CUX1: variants seen among roughly 807,000 people sequenced by gnomAD.
CUX1 encodes cut like homeobox 1, also known as protein CASP.
Under a neutral mutation model 158.8 loss-of-function variants are expected in CUX1, and 31 were observed. That is an observed-to-expected ratio of 0.20 (90% CI 0.15 to 0.26). CUX1 has a LOEUF of 0.26. Ranked by LOEUF, CUX1 falls within the 10% of genes least tolerant of loss-of-function variation. The pLI, the probability that CUX1 is intolerant of heterozygous loss-of-function variation, is 1.00. For missense variants in CUX1, 1,589 were observed against 2,014.6 expected (o/e 0.79, Z 4.04); for synonymous variants, 879 against 862.1 (o/e 1.02, Z -0.34).
intron 2 of CUX1, among the ~76,000 whole-genome samples, chr7:102,022,960 A>G (rs921040083): frequency 7.9e-5 from 12 of 152,220 alleles, no homozygotes; most frequent in African/African-American, 2.9e-4. Context: ...CAAGCCTGTA[A>G]TCCCAGCACT....
chr7:102,143,614 T>G (rs1404991744), intron 8 of CUX1, among the ~76,000 whole-genome samples: 3 of 152,062 alleles, frequency 2.0e-5, no homozygotes, highest in African/African-American at 4.8e-5. Context: ...ATATGGTATA[T>G]TATTTTTTAA....
intron 2 of CUX1, among the ~76,000 whole-genome samples, chr7:101,999,657 C>G (rs942404211): frequency 2.0e-4 from 31 of 152,326 alleles, no homozygotes; most frequent in Middle Eastern, 3.4e-3. Flanking sequence ...GGATGACGGG[C>G]TCGTCTGCAG....
At chr7:101,965,614 G>A (rs972060272) in intron 2 of CUX1, among the ~76,000 whole-genome samples, 6 of 152,044 alleles carry the variant, frequency 3.9e-5, no homozygotes, top group Non-Finnish European at 8.8e-5. Flanking sequence ...TTGGGAGGCC[G>A]AGGTGGGCGG....
At chr7:102,219,178 C>A (rs1224173689) in intron 20 of CUX1, among the ~76,000 whole-genome samples, 1 of 151,602 alleles carries the variant, frequency 6.6e-6, no homozygotes, top group Non-Finnish European at 1.5e-5. Context: ...CCTATTCTTT[C>A]TTTAGTCCCT....
chr7:101,817,688 A>T lies in CUX1; in HGVS notation c.30+19A>T, dbSNP rs751792494. The T allele has an allele frequency of 6.4e-7, 1 of 1,550,504 alleles. No individual in the cohort carries two copies. The highest frequency in any genetic ancestry group is 1.2e-5 in the South Asian group (1 of 84,106). On this transcript the variant is annotated intron_variant, in intron 1 of 23. Coordinates refer to ENST00000292535, the MANE Select transcript of CUX1 (RefSeq NM_181552.4). The surrounding 1 kb of genome is among the most constrained non-coding windows in gnomAD (Gnocchi z 4.1). The stretch of plus-strand genomic sequence containing the variant: ...GTTGAAGGTGAGCGGCGTGTGGGCC[A>T]GAAGTCCCGAGGTTGCAGGCGCGGA...
intron 1 of CUX1, among the ~76,000 whole-genome samples, chr7:101,864,452 A>C (rs10953353): frequency 3.3e-5 from 5 of 151,864 alleles, no homozygotes; most frequent in Non-Finnish European, 5.9e-5. Context: ...GTGAGCCACC[A>C]TGCCTAGCCT....
intron 6 of CUX1, among the ~76,000 whole-genome samples, chr7:102,105,502 ATC>A (rs1419466236): frequency 3.3e-4 from 31 of 93,480 alleles, no homozygotes; most frequent in South Asian, 3.5e-4. Context: ...AACCATATAG[ATC>A]TTTTTTTTTT....
upstream of CUX1, among the ~76,000 whole-genome samples, chr7:101,816,493 CGAGCGGG>C (rs909657567): frequency 4.9e-4 from 68 of 139,788 alleles, no homozygotes; most frequent in African/African-American, 1.3e-3. Flanking sequence ...GGTGCGCGCG[CGAGCGGG>C]GAGCGGGGAG....
In CUX1 at chr7:102,128,118, G is replaced by C. The variant is rs146723917; in HGVS notation, c.674+12845G>C. 2.0e-5 allele frequency among the ~76,000 whole-genome samples: 3 copies of C among 152,188 alleles called. No individual in the cohort carries two copies. In the East Asian group the frequency reaches 5.8e-4, roughly 29 times the overall value. On this transcript the variant is annotated intron_variant, in intron 8 of 23. Coordinates refer to ENST00000292535, the MANE Select transcript of CUX1 (RefSeq NM_181552.4). ...CTCCAGAAGGGCTGGGATTACAGGC[G>C]TGAGCCACCACGCCCAGCCGGCTGT... is the stretch of plus-strand genomic sequence containing the variant.
chr7:102,280,537 G>A (rs772157819), intron 19 of CUX1, among the ~76,000 whole-genome samples: 2 of 152,170 alleles, frequency 1.3e-5, no homozygotes, highest in Non-Finnish European at 2.9e-5. Flanking sequence ...GACTGCAGAA[G>A]TTCTGCCCGT....
Position 102,197,274 on chromosome 7 carries a change from G to A in CUX1, c.1863G>A (p.Leu621=), listed in dbSNP as rs782525068. The change falls in exon 15 of 24, where the codon CTG becomes CTA. Residue 621 remains leucine, a synonymous_variant. Coordinates refer to ENST00000292535, the MANE Select transcript of CUX1 (RefSeq NM_181552.4). ...KQFLSDEQNI[L]ALRSIQGRQR... is the part of the protein sequence containing the mutation. Reference sequence around the variant, plus strand: ...TCCTCTCCGATGAGCAGAACATCCTGGCCCTCCGTAGCATCCAAGGCAGAC... The same window carrying A: ...TCCTCTCCGATGAGCAGAACATCCTAGCCCTCCGTAGCATCCAAGGCAGAC... 6.2e-7 allele frequency: 1 copy of A among 1,613,798 alleles called. No individual in the cohort carries two copies. The highest frequency in any genetic ancestry group is 8.5e-7 in the Non-Finnish European group (1 of 1,179,844).
chr7:102,216,598 C>T (rs71540933), intron 20 of CUX1, among the ~76,000 whole-genome samples: 53 of 29,190 alleles, frequency 1.8e-3, no homozygotes, highest in African/African-American at 4.8e-3. Flanking sequence ...ACACACACTC[C>T]CACACACACA....
At chr7:101,843,053 A>G (rs1310641242) in intron 1 of CUX1, among the ~76,000 whole-genome samples, 1 of 151,772 alleles carries the variant, frequency 6.6e-6, no homozygotes, top group Non-Finnish European at 1.5e-5. Flanking sequence ...TTTTTAGTAC[A>G]GACGGAGTTT....
At chr7:101,830,009 T>C (rs573288166) in intron 1 of CUX1, among the ~76,000 whole-genome samples, 44 of 152,332 alleles carry the variant, frequency 2.9e-4, no homozygotes, top group African/African-American at 9.6e-4. Flanking sequence ...GCCTGCCCTA[T>C]CTGTGGGCGG....
In CUX1 at chr7:102,201,025, TAAAAAAAA is replaced by T. The variant is rs78359248; in HGVS notation, c.2063-313_2063-306del. ...CTGGACAACAGCGAGATCCTGTCGCTAAAAAAAAAAAAAAAAAAAAAAAAAAAAATTCT... is the reference window on the plus strand; with the variant it reads ...CTGGACAACAGCGAGATCCTGTCGCTAAAAAAAAAAAAAAAAAAAAATTCT... On this transcript the variant is annotated intron_variant, in intron 17 of 23. Transcript: ENST00000292535. The surrounding 1 kb of genome is among the most constrained non-coding windows in gnomAD (Gnocchi z 5.0). Among the ~76,000 whole-genome samples, 5 of 42,140 alleles carry T rather than the reference TAAAAAAAA, an allele frequency of 1.2e-4. No individual in the cohort carries two copies. Among genetic ancestry groups the T allele is most frequent in the African/African-American group, 5.2e-4 (5 of 9,698 alleles). The allele number at this position is 42,140 out of a possible 152,430, so 27.6% of individuals were successfully genotyped here. A position where few individuals can be genotyped will look rare whatever the true frequency, so the allele number is the denominator to read the frequency against.
chr7:102,082,014 A>G (rs1480665143), intron 4 of CUX1, among the ~76,000 whole-genome samples: 3 of 146,358 alleles, frequency 2.0e-5, no homozygotes, highest in African/African-American at 4.9e-5. Flanking sequence ...TTCACACCCA[A>G]TAGCCAGGCT....
chr7:102,070,732 T>G (rs1450557780), intron 4 of CUX1, among the ~76,000 whole-genome samples: 1 of 152,126 alleles, frequency 6.6e-6, no homozygotes, highest in Non-Finnish European at 1.5e-5. Flanking sequence ...AGACCTGATG[T>G]GTGTATGCTG....
At chr7:102,231,025 A>AT (rs3077374) in intron 21 of CUX1, among the ~76,000 whole-genome samples, 1 of 106,146 alleles carries the variant, frequency 9.4e-6, no homozygotes. Flanking sequence ...AAGCCCGGCT[A>AT]TTTTTTTTTT....
chr7:101,990,666 C>T (rs959402615), intron 2 of CUX1, among the ~76,000 whole-genome samples: 5 of 151,540 alleles, frequency 3.3e-5, no homozygotes, highest in East Asian at 1.9e-4. Context: ...TGTGAGTCAC[C>T]GCGCCTGGCC....
Sources: allele counts gnomAD v4.1 joint callset (sites outside exome capture counted in the v4.1 genomes callset), GRCh38; gene constraint gnomAD v4.1.1; non-coding constraint Gnocchi (gnomAD v3.1); transcripts MANE v1.5; gene names NCBI Gene and HGNC (gene_info 2026-07-23, HGNC 2026-07-21).